Variants in CACNA1A observed in about 807,000 individuals in gnomAD.
The protein encoded by CACNA1A is voltage-dependent P/Q-type calcium channel subunit alpha-1A.
A neutral mutation model predicts 262.4 loss-of-function variants in CACNA1A; 57 were observed. The observed-to-expected ratio is 0.22, with a 90% CI of 0.18 to 0.27. The LOEUF (loss-of-function observed/expected upper bound fraction) is 0.27, where lower values mean the gene tolerates loss of function less well. Among genes scored for constraint, CACNA1A ranks in the 10% least tolerant of loss-of-function variants. The pLI, the probability that CACNA1A is intolerant of heterozygous loss-of-function variation, is 1.00. For missense variants in CACNA1A, 2,526 were observed against 3,562.8 expected (o/e 0.71, Z 7.41); for synonymous variants, 1,431 against 1,419.3 (o/e 1.01, Z -0.18).
chr19:13,245,053 C>T (rs1316510039), intron 31 of CACNA1A, 129 bp downstream of exon 31: 3 of 772,704 alleles, frequency 3.9e-6, no homozygotes, highest in Non-Finnish European at 6.6e-6. Context: ...CCTCTCTGGT[C>T]ATGGCCAAGT....
In CACNA1A at chr19:13,308,370, C is replaced by T; in HGVS notation, c.1781+46G>A. On this transcript the variant is annotated intron_variant, in intron 13 of 46. Transcript: ENST00000360228. This position sits in a 1 kb window ranked among gnomAD's most constrained non-coding sequence, Gnocchi z 4.2. Reference sequence around the variant, plus strand: ...TCTGGAGGCGGCCCCACCATGTCCCCCATCCCCACCCCCTGTACAAATGTC... The same window carrying T: ...TCTGGAGGCGGCCCCACCATGTCCCTCATCCCCACCCCCTGTACAAATGTC... 1.3e-6 allele frequency: 2 copies of T among 1,541,780 alleles called. No individual in the cohort carries two copies. The highest frequency in any genetic ancestry group is 1.9e-4 in the Middle Eastern group (1 of 5,390).
rs117566286 is a variant in CACNA1A at position 13,310,708 on chromosome 19, T to A, written c.1668+1961A>T. Among the ~76,000 whole-genome samples, 253 of 151,340 alleles carry A rather than the reference T, an allele frequency of 1.7e-3. 7 individuals carry two copies. The East Asian group carries it at 0.039, about 23-fold the overall frequency. ...CATTATATAGATATGCCACAAAATATTTATCTGTTCTACAGCAAAGGGATA... is the reference window on the plus strand; with the variant it reads ...CATTATATAGATATGCCACAAAATAATTATCTGTTCTACAGCAAAGGGATA... On this transcript the variant is annotated intron_variant, in intron 12 of 46. Coordinates refer to ENST00000360228, the MANE Select transcript of CACNA1A (RefSeq NM_001127222.2).
chr19:13,351,781 T>C (rs2058913988), intron 6 of CACNA1A, among the ~76,000 whole-genome samples: 1 of 152,128 alleles, frequency 6.6e-6, no homozygotes. Flanking sequence ...GTGCTGGGAT[T>C]ACAGGCGTGA....
chr19:13,379,661 C>G (rs563772641), intron 3 of CACNA1A, among the ~76,000 whole-genome samples: 19 of 152,306 alleles, frequency 1.2e-4, no homozygotes, highest in East Asian at 3.9e-4. Context: ...CGCGGTGGCT[C>G]ACACCTGTAA....
chr19:13,274,855 G>C (rs550002555), intron 24 of CACNA1A: 7 of 152,332 alleles, frequency 4.6e-5, no homozygotes, highest in African/African-American at 1.7e-4. Flanking sequence ...TCTTGGAATG[G>C]CTACCCAGAA....
In CACNA1A at chr19:13,319,893, G is replaced by A. The variant is rs554067985; in HGVS notation, c.1346-2572C>T. 2.6e-5 allele frequency among the ~76,000 whole-genome samples: 4 copies of A among 152,292 alleles called. No individual in the cohort carries two copies. The South Asian group carries it at 8.3e-4, about 32-fold the overall frequency. ...GGCTGAGGGGGGTCTAGTAACCAGT[G>A]AAGATGTGTCAAGATGGTTCAGAGT... On this transcript the variant is annotated intron_variant, in intron 10 of 46. Transcript: ENST00000360228.
At chr19:13,342,881 C>T (rs1248738914) in intron 6 of CACNA1A, among the ~76,000 whole-genome samples, 1 of 152,180 alleles carries the variant, frequency 6.6e-6, no homozygotes. Context: ...ATGTTTGTTA[C>T]TGCAGCATAA....
intron 19 of CACNA1A, among the ~76,000 whole-genome samples, chr19:13,288,970 T>A (rs2057471099): frequency 6.6e-6 from 1 of 152,072 alleles, no homozygotes; most frequent in Admixed American, 6.6e-5. Flanking sequence ...GTGGGATGCT[T>A]CTATGAATAC....
At chr19:13,339,306 A>G (rs1421432870) in intron 6 of CACNA1A, among the ~76,000 whole-genome samples, 1 of 152,180 alleles carries the variant, frequency 6.6e-6, no homozygotes, top group African/African-American at 2.4e-5. Context: ...TTCCATTTAT[A>G]GGAGGTCCCT....
intron 1 of CACNA1A, among the ~76,000 whole-genome samples, chr19:13,471,167 C>G (rs1181395487): frequency 1.3e-5 from 2 of 152,176 alleles, no homozygotes; most frequent in African/African-American, 4.8e-5. Flanking sequence ...CTCGAGTCCA[C>G]TGTAATCCAG....
chr19:13,259,781 G>A (rs1157857792), intron 26 of CACNA1A, 80 bp from the exon 27 acceptor site: 3 of 1,503,512 alleles, frequency 2.0e-6, no homozygotes, highest in South Asian at 2.4e-5. Flanking sequence ...AGAGACAGGG[G>A]GAGGGAAAGG....
rs773766180 is a variant in CACNA1A, at chr19:13,298,728, G to C, written c.2905C>G (p.Pro969Ala). The C allele has an allele frequency of 5.3e-6, 8 of 1,499,198 alleles. No individual in the cohort carries two copies. Among genetic ancestry groups the C allele is most frequent in the Admixed American group, 2.2e-5 (1 of 44,688 alleles). 92.9% of individuals were successfully genotyped at this position (1,499,198 alleles called of 1,614,324 possible). A position where few individuals can be genotyped will look rare whatever the true frequency, so the allele number is the denominator to read the frequency against. Reference sequence around the variant, plus strand: ...GCCCTCCGCTCCGCCTTGTCCTCCGGACCCTCCTCCCCGGGCCTGCGGTGC... The same window carrying C: ...GCCCTCCGCTCCGCCTTGTCCTCCGCACCCTCCTCCCCGGGCCTGCGGTGC... The part of the protein sequence containing the change: ...RAHRRPGEEG[P>A]EDKAERRARH... The change falls in exon 19 of 47, where the codon CCG (proline) becomes GCG (alanine). Residue 969 changes from proline (P) to alanine (A), a missense_variant. Pro to Ala is a conservative substitution (Grantham distance 27). This residue lies in a region of CACNA1A where 765 missense variants were observed against 748.6 expected (regional missense o/e 1.02). Coordinates refer to ENST00000360228, the MANE Select transcript of CACNA1A (RefSeq NM_001127222.2).
In CACNA1A at chr19:13,241,463, G is replaced by T; in HGVS notation, c.4950+3719C>A. On this transcript the variant is annotated intron_variant, in intron 31 of 46. Coordinates refer to ENST00000360228, the MANE Select transcript of CACNA1A (RefSeq NM_001127222.2). The surrounding 1 kb of genome is among the most constrained non-coding windows in gnomAD (Gnocchi z 4.0). ...GGTGTGGCATGCAATGCCGACGCGA[G>T]GAGATGCGTTCACAGTTAATGTAAG... The T allele has an allele frequency of 7.8e-7, 1 of 1,278,404 alleles. No homozygotes were observed. Among genetic ancestry groups the T allele is most frequent in the East Asian group, 2.5e-5 (1 of 39,826 alleles). 79.2% of individuals were successfully genotyped at this position (1,278,404 alleles called of 1,614,324 possible). A position where few individuals can be genotyped will look rare whatever the true frequency, so the allele number is the denominator to read the frequency against.
At chr19:13,281,200 C>T (rs766665571) in intron 22 of CACNA1A, among the ~76,000 whole-genome samples, 14 of 151,156 alleles carry the variant, frequency 9.3e-5, no homozygotes. Flanking sequence ...GGCAACATAG[C>T]GAGGCCCGTT....
At chr19:13,456,342 G>C (rs902129532) in intron 1 of CACNA1A, among the ~76,000 whole-genome samples, 6 of 152,106 alleles carry the variant, frequency 3.9e-5, no homozygotes, top group African/African-American at 1.2e-4. Context: ...GAAGCTATTT[G>C]CAAATCATGT....
chr19:13,405,838 C>T (rs369906407), intron 3 of CACNA1A, among the ~76,000 whole-genome samples: 6 of 152,100 alleles, frequency 3.9e-5, no homozygotes, highest in African/African-American at 1.2e-4. Context: ...CTACTGTTGA[C>T]GCCATTTTAC....
chr19:13,426,603 T>C (rs1015745557), intron 3 of CACNA1A, among the ~76,000 whole-genome samples: 1 of 152,138 alleles, frequency 6.6e-6, no homozygotes, highest in Admixed American at 6.6e-5. Flanking sequence ...AGACAGCTTG[T>C]AGGAAGAAAA....
intron 3 of CACNA1A, among the ~76,000 whole-genome samples, chr19:13,402,769 C>T (rs111612867): frequency 2.4e-5 from 3 of 126,204 alleles, no homozygotes; most frequent in Non-Finnish European, 4.8e-5. Context: ...CATATATATA[C>T]ATATATATAC....
intron 28 of CACNA1A, among the ~76,000 whole-genome samples, chr19:13,255,684 CCT>C (rs2056528463): frequency 8.7e-6 from 1 of 114,454 alleles, no homozygotes; most frequent in Admixed American, 9.1e-5. Flanking sequence ...CTCCCTCCTT[CCT>C]TCCTTCCTCC....
Sources: allele counts gnomAD v4.1 joint callset (sites outside exome capture counted in the v4.1 genomes callset), GRCh38; gene constraint gnomAD v4.1.1; regional missense constraint gnomAD v4.1.1; non-coding constraint Gnocchi (gnomAD v3.1); transcripts MANE v1.5; gene names NCBI Gene and HGNC (gene_info 2026-07-23, HGNC 2026-07-21).